LYPD6: variants seen among roughly 807,000 people sequenced by gnomAD.
The protein encoded by LYPD6 is ly6/PLAUR domain-containing protein 6.
Under a neutral mutation model 22.7 loss-of-function variants are expected in LYPD6, and 15 were observed. The observed-to-expected ratio is 0.66, with a 90% CI of 0.44 to 1.02. The LOEUF (loss-of-function observed/expected upper bound fraction) is 1.02. LYPD6 is among the 50% of genes least tolerant of loss of function. The pLI is 0.00. For missense variants in LYPD6, 189 were observed against 208.4 expected (o/e 0.91, Z 0.57); for synonymous variants, 72 against 77.5 (o/e 0.93, Z 0.37).
At chr2:149,401,464 G>A (rs1484538532) in intron 1 of LYPD6, among the ~76,000 whole-genome samples, 1 of 152,224 alleles carries the variant, frequency 6.6e-6, no homozygotes, top group African/African-American at 2.4e-5. Context: ...GGCTCTGTCT[G>A]TGCCATCTCT....
chr2:149,442,225 A>G (rs1347416435), intron 2 of LYPD6, among the ~76,000 whole-genome samples: 5 of 152,188 alleles, frequency 3.3e-5, no homozygotes, highest in Admixed American at 1.3e-4. Context: ...TGCATTACAC[A>G]TCAGCATACC....
rs1681340725 is a variant in LYPD6 at position 149,471,804 on chromosome 2, T to G, written c.*954T>G. 6.6e-6 allele frequency: 1 copy of G among 152,646 alleles called. No homozygotes were observed. Among genetic ancestry groups the G allele is most frequent in the Non-Finnish European group, 1.5e-5 (1 of 68,046 alleles). 9.5% of individuals were successfully genotyped at this position (152,646 alleles called of 1,614,324 possible). On this transcript the variant is annotated 3_prime_UTR_variant, in exon 5 of 5. Coordinates refer to ENST00000334166, the MANE Select transcript of LYPD6 (RefSeq NM_194317.5). ...GGCCGACTAAGTGGCTCAGCCAGCT[T>G]CTTACTCCATCTGCAGTTCATACTG...
At chr2:149,361,343 G>C (rs1681568251) in intron 1 of LYPD6, among the ~76,000 whole-genome samples, 2 of 152,194 alleles carry the variant, frequency 1.3e-5, no homozygotes, top group Non-Finnish European at 2.9e-5. Flanking sequence ...GTTACAAATA[G>C]AGATTTCCTT....
intron 1 of LYPD6, among the ~76,000 whole-genome samples, chr2:149,406,634 G>A (rs1038294320): frequency 4.0e-4 from 61 of 152,110 alleles, no homozygotes; most frequent in African/African-American, 1.4e-3. Context: ...GTCTCTGCAC[G>A]TGAGATGGGT....
At chr2:149,456,185 A>T (rs1300675224) in intron 3 of LYPD6, among the ~76,000 whole-genome samples, 4 of 152,204 alleles carry the variant, frequency 2.6e-5, no homozygotes, top group African/African-American at 9.6e-5. Context: ...AAAATAATTC[A>T]GTTTATCTGC....
intron 1 of LYPD6, among the ~76,000 whole-genome samples, chr2:149,405,343 G>A (rs1293885793): frequency 1.3e-5 from 2 of 152,220 alleles, no homozygotes; most frequent in African/African-American, 4.8e-5. Flanking sequence ...GGTAGAATTT[G>A]GCTGTGAATC....
At chr2:149,352,454 C>T (rs750132573) in intron 1 of LYPD6, among the ~76,000 whole-genome samples, 6 of 152,106 alleles carry the variant, frequency 3.9e-5, no homozygotes. Context: ...AAGTTCATTC[C>T]AGTGAATAGA....
At chr2:149,337,187 G>A (rs936736928) in intron 1 of LYPD6, among the ~76,000 whole-genome samples, 1 of 152,112 alleles carries the variant, frequency 6.6e-6, no homozygotes, top group Non-Finnish European at 1.5e-5. Context: ...TTGCCTTGGT[G>A]TCTAGCACAG....
At chr2:149,474,466 CCAAAGT>C (rs1477771198), downstream of LYPD6, among the ~76,000 whole-genome samples, 1 of 152,162 alleles carries the variant, frequency 6.6e-6, no homozygotes, top group African/African-American at 2.4e-5. Flanking sequence ...CCTCAGCCTC[CCAAAGT>C]TCTGGGATTA....
At chr2:149,387,789 G>A (rs1336096407) in intron 1 of LYPD6, among the ~76,000 whole-genome samples, 1 of 152,130 alleles carries the variant, frequency 6.6e-6, no homozygotes, top group Non-Finnish European at 1.5e-5. Flanking sequence ...GGAGAAGATG[G>A]GAACGTGTAC....
chr2:149,333,367 T>C (rs2105041387), intron 1 of LYPD6, among the ~76,000 whole-genome samples: 1 of 152,362 alleles, frequency 6.6e-6, no homozygotes, highest in Non-Finnish European at 1.5e-5. Context: ...ACTTGTGTCA[T>C]TGCATACTAT....
intron 1 of LYPD6, among the ~76,000 whole-genome samples, chr2:149,376,558 A>G (rs1199933108): frequency 2.0e-5 from 3 of 152,178 alleles, no homozygotes; most frequent in Admixed American, 6.5e-5. Context: ...ACTACTTCAT[A>G]GGGTTGTTGT....
intron 1 of LYPD6, among the ~76,000 whole-genome samples, chr2:149,414,033 G>A (rs1682910016): frequency 6.6e-6 from 1 of 152,080 alleles, no homozygotes; most frequent in African/African-American, 2.4e-5. Flanking sequence ...CAGAATCTAT[G>A]GCCACTTTTC....
chr2:149,360,186 G>A (rs991030971), intron 1 of LYPD6, among the ~76,000 whole-genome samples: 2 of 152,200 alleles, frequency 1.3e-5, no homozygotes, highest in Non-Finnish European at 2.9e-5. Context: ...AGTGTATAAT[G>A]AGCAGTGAGG....
chr2:149,480,020 T>TC, the LYPD6 span, among the ~76,000 whole-genome samples: 22 of 93,770 alleles, frequency 2.3e-4, no homozygotes, highest in Middle Eastern at 5.4e-3. Context: ...TTTCTCTCTC[T>TC]TTTTTTTTTT....
intron 1 of LYPD6, among the ~76,000 whole-genome samples, chr2:149,424,365 A>G (rs1465868589): frequency 6.6e-6 from 1 of 152,218 alleles, no homozygotes; most frequent in African/African-American, 2.4e-5. Flanking sequence ...AATGAAAGCT[A>G]TATGTGGTAT....
At chr2:149,330,418 G>GGCCAATGAGCGCGCCCCGC (rs1363081750), upstream of LYPD6, 9 of 150,568 alleles carry the variant, frequency 6.0e-5, 1 homozygote, top group South Asian at 2.1e-4. Context: ...GCGCGCGCCG[G>GGCCAATGAGCGCGCCCCGC]GCCAATGAGC....
intron 1 of LYPD6, among the ~76,000 whole-genome samples, chr2:149,400,412 G>T (rs1035371315): frequency 6.6e-6 from 1 of 152,192 alleles, no homozygotes; most frequent in Admixed American, 6.5e-5. Flanking sequence ...ATAAAAGGAT[G>T]GGGGCAGGGT....
chr2:149,480,085 C>T, the LYPD6 span, among the ~76,000 whole-genome samples: 5,012 of 151,530 alleles, frequency 0.033, 98 homozygotes, highest in Middle Eastern at 0.048. Flanking sequence ...CAATGGCTCA[C>T]GTCAACCTCC....
Sources: allele counts gnomAD v4.1 joint callset (sites outside exome capture counted in the v4.1 genomes callset), GRCh38; gene constraint gnomAD v4.1.1; transcripts MANE v1.5; gene names NCBI Gene and HGNC (gene_info 2026-07-23, HGNC 2026-07-21).